RGS6: variants seen among roughly 807,000 people sequenced by gnomAD.
The protein encoded by RGS6 is regulator of G protein signaling 6, also known as regulator of G-protein signaling 6.
A neutral mutation model predicts 78.5 loss-of-function variants in RGS6; 30 were observed. The observed-to-expected ratio is 0.38, with a 90% confidence interval of 0.29 to 0.52. RGS6 has a LOEUF of 0.52. RGS6 is among the 20% of genes least tolerant of loss of function. The pLI, the probability that RGS6 is intolerant of heterozygous loss-of-function variation, is 0.85. For synonymous variants in RGS6, 206 were observed against 206.0 expected (o/e 1.00, Z 0.00); for missense variants, 495 against 609.7 (o/e 0.81, Z 1.98).
At chr14:72,336,920 C>G (rs901435285) in intron 2 of RGS6, among the ~76,000 whole-genome samples, 1 of 152,070 alleles carries the variant, frequency 6.6e-6, no homozygotes, top group Non-Finnish European at 1.5e-5. Context: ...TAAATTTCCC[C>G]TTTTTATAAG....
At chr14:72,422,211 T>A (rs1256496407) in intron 3 of RGS6, among the ~76,000 whole-genome samples, 2 of 152,214 alleles carry the variant, frequency 1.3e-5, no homozygotes, top group Non-Finnish European at 2.9e-5. Flanking sequence ...CCATTAAACC[T>A]CTTTCTTTTG....
rs140390028 is a variant in RGS6, at chr14:72,265,896, A to G, written c.85-86199A>G. Among the ~76,000 whole-genome samples the G allele has an allele frequency of 2.5e-3, 337 of 136,000 alleles. 2 individuals carry two copies. The highest frequency in any genetic ancestry group is 8.5e-3 in the African/African-American group (318 of 37,316). 89.2% of individuals were successfully genotyped at this position (136,000 alleles called of 152,430 possible). A position where few individuals can be genotyped will look rare whatever the true frequency, so the allele number is the denominator to read the frequency against. On this transcript the variant is annotated intron_variant, in intron 2 of 17. Transcript: ENST00000553525. ...CCTTTCCCCAACAATTTCAGCCTTT[A>G]TTAACCTTTTCCTTCTCTAACTATC... is the stretch of plus-strand genomic sequence containing the variant.
chr14:71,934,301 A>G (rs1195286638), intron 1 of RGS6, among the ~76,000 whole-genome samples: 2 of 152,214 alleles, frequency 1.3e-5, no homozygotes, highest in Non-Finnish European at 2.9e-5. Flanking sequence ...AACTATATAT[A>G]TGTAGAGAGA....
At chr14:71,990,965 A>C (rs7156200) in intron 2 of RGS6, 104,577 of 413,054 alleles carry the variant, frequency 0.25, 13,782 homozygotes, top group Admixed American at 0.28. Context: ...TGACAGGCCT[A>C]ATCACTCACC....
At chr14:72,558,563 G>A (rs2097620522) in intron 17 of RGS6, among the ~76,000 whole-genome samples, 1 of 152,136 alleles carries the variant, frequency 6.6e-6, no homozygotes, top group African/African-American at 2.4e-5. Context: ...GCACAAAAGG[G>A]GGCTATTCCT....
chr14:71,891,792 C>T, the RGS6 span, among the ~76,000 whole-genome samples: 3 of 152,156 alleles, frequency 2.0e-5, no homozygotes, highest in Non-Finnish European at 4.4e-5. Context: ...TCTGGATATC[C>T]ACTTAGCAGA....
At chr14:72,212,946 G>C (rs189592291) in intron 2 of RGS6, among the ~76,000 whole-genome samples, 1 of 152,272 alleles carries the variant, frequency 6.6e-6, no homozygotes, top group Admixed American at 6.5e-5. Flanking sequence ...ACAGATACCT[G>C]ACCACCTATC....
chr14:71,958,337 G>C (rs1399681770), intron 1 of RGS6, among the ~76,000 whole-genome samples: 2 of 152,166 alleles, frequency 1.3e-5, no homozygotes, highest in African/African-American at 4.8e-5. Flanking sequence ...TGTTACTTTG[G>C]GCAAGTTACC....
At position 72,472,696 on chromosome 14, in the gene RGS6, C is replaced by CG. The variant is rs532196804; in HGVS notation, c.537-168dup. Among the ~76,000 whole-genome samples the CG allele has an allele frequency of 1.0e-3, 157 of 151,728 alleles. 1 individual carries two copies. Among genetic ancestry groups the CG allele is most frequent in the South Asian group, 2.3e-3 (11 of 4,778 alleles). On this transcript the variant is annotated intron_variant, in intron 8 of 17. Coordinates refer to ENST00000553525, the MANE Select transcript of RGS6 (RefSeq NM_001204424.2). ...CCATGTGTGGAATTCCTGAGGTTTT[C>CG]GGGGGGGGAATTATACACCCCTATT...
At chr14:72,515,563 G>A (rs1329563043) in intron 14 of RGS6, 1 of 152,340 alleles carries the variant, frequency 6.6e-6, no homozygotes, top group Non-Finnish European at 1.5e-5. Context: ...CTACTCAGGA[G>A]GCTGAGGCAG....
At chr14:72,216,631 A>G (rs1159016188) in intron 2 of RGS6, among the ~76,000 whole-genome samples, 1 of 152,220 alleles carries the variant, frequency 6.6e-6, no homozygotes, top group East Asian at 1.9e-4. Context: ...GGTTCTAAGG[A>G]AAATAATTAA....
chr14:72,562,728 C>T lies in RGS6; in HGVS notation c.*261C>T, dbSNP rs2097691188. The T allele has an allele frequency of 2.0e-6, 3 of 1,536,056 alleles. No homozygotes were observed. On this transcript the variant is annotated 3_prime_UTR_variant, in exon 18 of 18. Coordinates refer to ENST00000553525, the MANE Select transcript of RGS6 (RefSeq NM_001204424.2). ...TTCTTTGTACAGTTGTATTCCAACACTCCACTCGCTAAGAGGCCCTGATCC... is the reference window on the plus strand; with the variant it reads ...TTCTTTGTACAGTTGTATTCCAACATTCCACTCGCTAAGAGGCCCTGATCC...
At chr14:72,330,180 T>C (rs1359045255) in intron 2 of RGS6, among the ~76,000 whole-genome samples, 2 of 152,200 alleles carry the variant, frequency 1.3e-5, no homozygotes, top group Non-Finnish European at 1.5e-5. Context: ...AACCTTCCGG[T>C]CCAGTTCTCC....
the RGS6 span, among the ~76,000 whole-genome samples, chr14:71,868,995 C>T: frequency 1.3e-5 from 2 of 152,152 alleles, no homozygotes; most frequent in Non-Finnish European, 2.9e-5. Context: ...GAAGTTAAGC[C>T]TTTGAGATTA....
chr14:72,121,612 T>C (rs913740363), intron 2 of RGS6, among the ~76,000 whole-genome samples: 1 of 152,184 alleles, frequency 6.6e-6, no homozygotes. Flanking sequence ...TATTGCTGCC[T>C]TCTTTCTCAT....
intron 2 of RGS6, among the ~76,000 whole-genome samples, chr14:72,201,523 G>A (rs1447911642): frequency 6.6e-6 from 1 of 152,146 alleles, no homozygotes; most frequent in Non-Finnish European, 1.5e-5. Context: ...TAAAGCCTGA[G>A]CTGTTCAGAT....
At chr14:71,941,416 C>T (rs1249167846) in intron 1 of RGS6, among the ~76,000 whole-genome samples, 5 of 152,222 alleles carry the variant, frequency 3.3e-5, no homozygotes, top group Non-Finnish European at 2.9e-5. Flanking sequence ...ATATTCTGTT[C>T]ATCTAGAACC....
chr14:72,458,393 C>A lies in RGS6; in HGVS notation c.342+16C>A, dbSNP rs1375502619. Reference sequence around the variant, plus strand: ...TCGTTTCCAGGTAAGCCTGCTGGCTCCTCCTCCTGAAGAACCTTTTCTTCA... The same window carrying A: ...TCGTTTCCAGGTAAGCCTGCTGGCTACTCCTCCTGAAGAACCTTTTCTTCA... On this transcript the variant is annotated intron_variant, in intron 5 of 17. Coordinates refer to ENST00000553525, the MANE Select transcript of RGS6 (RefSeq NM_001204424.2). The A allele has an allele frequency of 1.9e-6, 3 of 1,581,170 alleles. No individual in the cohort carries two copies. Among genetic ancestry groups the A allele is most frequent in the East Asian group, 4.5e-5 (2 of 44,706 alleles).
chr14:71,914,425 C>A, the RGS6 span, among the ~76,000 whole-genome samples: 1 of 152,056 alleles, frequency 6.6e-6, no homozygotes. Flanking sequence ...CTTTTCTTAT[C>A]TTTCCTTTTC....
Sources: gnomAD v4.1 joint callset for allele counts (sites outside exome capture counted in the v4.1 genomes callset) on GRCh38, gnomAD v4.1.1 for gene constraint, MANE v1.5 for transcripts, NCBI Gene and HGNC (gene_info 2026-07-23, HGNC 2026-07-21) for gene names.